The following DLGAP1 variants were observed in gnomAD, a reference collection of about 807,000 sequenced individuals.
The protein encoded by DLGAP1 is disks large-associated protein 1.
Under a neutral mutation model 90.8 loss-of-function variants are expected in DLGAP1, and 11 were observed. The observed-to-expected ratio is 0.12, with a 90% CI of 0.08 to 0.20. The LOEUF is 0.20. DLGAP1 is among the 10% of genes least tolerant of loss of function. The probability of loss-of-function intolerance (pLI) is 1.00; values close to 1 mark genes in which losing one functional copy is unlikely to be tolerated. For synonymous variants in DLGAP1, 558 were observed against 540.7 expected (o/e 1.03, Z -0.44); for missense variants, 1,050 against 1,333.8 (o/e 0.79, Z 3.31).
chr18:3,763,395 C>T (rs2064062279), intron 5 of DLGAP1, among the ~76,000 whole-genome samples: 1 of 152,176 alleles, frequency 6.6e-6, no homozygotes, highest in African/African-American at 2.4e-5. Flanking sequence ...CCTTGCTCCT[C>T]AGCTTGCAGA....
intron 4 of DLGAP1, among the ~76,000 whole-genome samples, chr18:3,827,309 T>C (rs2067773203): frequency 6.6e-6 from 1 of 152,018 alleles, no homozygotes; most frequent in Non-Finnish European, 1.5e-5. Flanking sequence ...CCCTTAGAAG[T>C]TTGGAGCTAA....
intron 2 of DLGAP1, among the ~76,000 whole-genome samples, chr18:4,037,368 C>A (rs1192737951): frequency 6.6e-6 from 1 of 152,114 alleles, no homozygotes; most frequent in East Asian, 1.9e-4. Context: ...TCAATTCATG[C>A]ACATAACCAG....
chr18:3,799,407 G>A (rs992923588), intron 5 of DLGAP1, among the ~76,000 whole-genome samples: 10 of 151,780 alleles, frequency 6.6e-5, no homozygotes, highest in Non-Finnish European at 1.3e-4. Context: ...TCTTCATAGC[G>A]TTCCTCTCAT....
chr18:4,318,222 C>T (rs1226363485), intron 1 of DLGAP1, among the ~76,000 whole-genome samples: 1 of 152,134 alleles, frequency 6.6e-6, no homozygotes, highest in Non-Finnish European at 1.5e-5. Context: ...CAAATACTTC[C>T]CAGAAAACTT....
At chr18:4,177,087 C>T (rs146440318) in intron 1 of DLGAP1, among the ~76,000 whole-genome samples, 14 of 152,172 alleles carry the variant, frequency 9.2e-5, no homozygotes, top group African/African-American at 3.1e-4. Flanking sequence ...AGAGGTGGGT[C>T]GAGCTCCTCT....
rs1476341226 is a variant in DLGAP1 at position 4,176,079 on chromosome 18, T to A, written c.-266-24792A>T. ...CATGAGAATGGAATGTTTTTCCACT[T>A]GTTGGTGTCCTCTCTTATTTCCTTG... is the stretch of plus-strand genomic sequence containing the variant. On this transcript the variant is annotated intron_variant, in intron 1 of 12. Transcript: ENST00000315677. 2.0e-5 allele frequency among the ~76,000 whole-genome samples: 3 copies of A among 152,226 alleles called. No homozygotes were observed. In the East Asian group the frequency reaches 5.8e-4, roughly 29 times the overall value.
intron 5 of DLGAP1, among the ~76,000 whole-genome samples, chr18:3,757,501 C>G (rs1489401875): frequency 6.6e-6 from 1 of 152,094 alleles, no homozygotes; most frequent in Non-Finnish European, 1.5e-5. Context: ...CCCAACAAAA[C>G]AATAGTAAAC....
intron 3 of DLGAP1, among the ~76,000 whole-genome samples, chr18:3,921,688 A>G (rs549576407): frequency 3.2e-4 from 48 of 152,376 alleles, no homozygotes; most frequent in African/African-American, 9.4e-4. Flanking sequence ...AGAAGAGAAC[A>G]TAAGCACAGA....
intron 3 of DLGAP1, among the ~76,000 whole-genome samples, chr18:3,895,319 A>ACACACAT (rs1555703517): frequency 2.0e-4 from 30 of 148,452 alleles, no homozygotes; most frequent in East Asian, 1.8e-3. Flanking sequence ...ACACACACAC[A>ACACACAT]CATCATCATC....
chr18:4,144,938 T>A lies in DLGAP1; in HGVS notation c.-159+6242A>T, dbSNP rs1310619732. ...TATAAACAAATACTCAAATATGTGA[T>A]TTGTAATAAACTCTATTATACTCTT... On this transcript the variant is annotated intron_variant, in intron 2 of 12. Coordinates refer to ENST00000315677, the MANE Select transcript of DLGAP1 (RefSeq NM_004746.4). Among the ~76,000 whole-genome samples, 4 of 152,236 alleles carry A rather than the reference T, an allele frequency of 2.6e-5. No individual in the cohort carries two copies. In the East Asian group the frequency reaches 7.7e-4, roughly 29 times the overall value.
chr18:3,661,157 C>A (rs1432951005), intron 7 of DLGAP1, among the ~76,000 whole-genome samples: 1 of 152,140 alleles, frequency 6.6e-6, no homozygotes, highest in Non-Finnish European at 1.5e-5. Flanking sequence ...CTCAGACTTC[C>A]AAGTAGCTGA....
intron 2 of DLGAP1, among the ~76,000 whole-genome samples, chr18:4,110,470 G>A (rs569980852): frequency 4.6e-4 from 70 of 152,252 alleles, no homozygotes; most frequent in Non-Finnish European, 8.8e-4. Flanking sequence ...ATAGAATTAA[G>A]CTTAACAAAT....
intron 6 of DLGAP1, among the ~76,000 whole-genome samples, chr18:3,738,135 A>C (rs1481550669): frequency 6.6e-6 from 1 of 151,738 alleles, no homozygotes; most frequent in East Asian, 1.9e-4. Flanking sequence ...GGATACAAAC[A>C]AATGGAAGAA....
chr18:4,109,009 A>G (rs867152712), intron 2 of DLGAP1, among the ~76,000 whole-genome samples: 2 of 152,336 alleles, frequency 1.3e-5, no homozygotes, highest in Non-Finnish European at 2.9e-5. Context: ...GAACTCCGTA[A>G]TGTTTGGAGC....
At chr18:3,509,725 C>T (rs2050435137) in intron 10 of DLGAP1, among the ~76,000 whole-genome samples, 1 of 152,242 alleles carries the variant, frequency 6.6e-6, no homozygotes, top group East Asian at 1.9e-4. Context: ...TTCTCAACCT[C>T]ATTCCCCACA....
chr18:3,797,764 A>C (rs1209058043), intron 5 of DLGAP1, among the ~76,000 whole-genome samples: 1 of 152,184 alleles, frequency 6.6e-6, no homozygotes, highest in Non-Finnish European at 1.5e-5. Flanking sequence ...TAGGGAAAAC[A>C]ATCTGGGATA....
chr18:3,782,246 C>T (rs1352531623), intron 5 of DLGAP1, among the ~76,000 whole-genome samples: 1 of 151,842 alleles, frequency 6.6e-6, no homozygotes, highest in East Asian at 1.9e-4. Context: ...AAGCAATTCT[C>T]CTGCCTCAGC....
chr18:3,765,130 C>CTTTTTTTTTTTT (rs1212463684), intron 5 of DLGAP1, among the ~76,000 whole-genome samples: 2 of 113,236 alleles, frequency 1.8e-5, no homozygotes, highest in Non-Finnish European at 3.4e-5. Context: ...TTTTTTTTTT[C>CTTTTTTTTTTTT]TTTTTTTTTT....
At chr18:3,538,334 C>T (rs531435432) in intron 9 of DLGAP1, among the ~76,000 whole-genome samples, 1 of 149,386 alleles carries the variant, frequency 6.7e-6, no homozygotes, top group Non-Finnish European at 1.5e-5. Flanking sequence ...TGAAGTTATC[C>T]AACCCAGTCA....
Sources: gnomAD v4.1 joint callset for allele counts (sites outside exome capture counted in the v4.1 genomes callset) on GRCh38, gnomAD v4.1.1 for gene constraint, MANE v1.5 for transcripts, NCBI Gene and HGNC (gene_info 2026-07-23, HGNC 2026-07-21) for gene names.